ACTR3C: variants seen among roughly 807,000 people sequenced by gnomAD.
The protein encoded by ACTR3C is actin-related protein 3C.
In ACTR3C, 18 loss-of-function variants were observed where a neutral mutation model predicts 26.3. The ratio of observed to expected loss-of-function variants is 0.68; its 90% CI spans 0.47 to 1.01. The LOEUF (loss-of-function observed/expected upper bound fraction) is 1.01, where lower values mean the gene tolerates loss of function less well. Ranked by LOEUF, ACTR3C falls within the 50% of genes least tolerant of loss-of-function variation. ACTR3C has a pLI of 0.00. For missense variants in ACTR3C, 184 were observed against 250.7 expected (o/e 0.73, Z 1.80); for synonymous variants, 55 against 94.5 (o/e 0.58, Z 2.42).
the ACTR3C span, among the ~76,000 whole-genome samples, chr7:149,990,899 G>C: frequency 6.6e-6 from 1 of 152,220 alleles, no homozygotes; most frequent in African/African-American, 2.4e-5. Context: ...GGGTACACAT[G>C]AGGGACAAGC....
At chr7:150,259,715 G>A (rs1420274733) in intron 6 of ACTR3C, among the ~76,000 whole-genome samples, 1 of 152,090 alleles carries the variant, frequency 6.6e-6, no homozygotes, top group Non-Finnish European at 1.5e-5. Flanking sequence ...TCATTATAAT[G>A]ATCTAAGCAG....
At chr7:149,894,682 A>G in the ACTR3C span, among the ~76,000 whole-genome samples, 1 of 152,246 alleles carries the variant, frequency 6.6e-6, no homozygotes, top group Non-Finnish European at 1.5e-5. Flanking sequence ...CAAACCCACA[A>G]TATCAATCAC....
chr7:150,103,563 A>G, the ACTR3C span, among the ~76,000 whole-genome samples: 1 of 151,892 alleles, frequency 6.6e-6, no homozygotes, highest in Admixed American at 6.6e-5. Context: ...TTTCATTGCC[A>G]TGGTGGTTGC....
chr7:150,249,656 T>C (rs1203651660), intron 6 of ACTR3C, among the ~76,000 whole-genome samples: 1 of 152,154 alleles, frequency 6.6e-6, no homozygotes, highest in African/African-American at 2.4e-5. Flanking sequence ...GGTTTCGCCA[T>C]GTTGGCCAGG....
chr7:149,934,628 C>G, the ACTR3C span, among the ~76,000 whole-genome samples: 3 of 151,628 alleles, frequency 2.0e-5, no homozygotes, highest in East Asian at 5.9e-4. Context: ...GGTCCACAAG[C>G]AGACTGGGGA....
the ACTR3C span, among the ~76,000 whole-genome samples, chr7:149,970,191 TGCTATC>T: frequency 6.6e-6 from 1 of 151,858 alleles, no homozygotes; most frequent in South Asian, 2.1e-4. Flanking sequence ...AGGTTTGAAA[TGCTATC>T]GTTCTGCACC....
intron 6 of ACTR3C, among the ~76,000 whole-genome samples, chr7:150,281,085 A>G (rs1358863285): frequency 7.9e-5 from 12 of 152,008 alleles, no homozygotes; most frequent in Non-Finnish European, 1.6e-4. Flanking sequence ...AACCAGTGAA[A>G]GCACACAGGT....
At chr7:149,965,167 C>T in the ACTR3C span, among the ~76,000 whole-genome samples, 1 of 148,560 alleles carries the variant, frequency 6.7e-6, no homozygotes, top group African/African-American at 2.5e-5. Flanking sequence ...TCCTTGAGCA[C>T]CTCTATTTGA....
At chr7:150,110,297 G>A in the ACTR3C span, among the ~76,000 whole-genome samples, 5 of 151,824 alleles carry the variant, frequency 3.3e-5, no homozygotes, top group African/African-American at 1.2e-4. Flanking sequence ...CATTTAAATT[G>A]TTCTCTCTGC....
chr7:150,201,846 A>G, the ACTR3C span, among the ~76,000 whole-genome samples: 3 of 151,958 alleles, frequency 2.0e-5, no homozygotes, highest in East Asian at 5.8e-4. Flanking sequence ...AATTGCATTT[A>G]TTGTAGCATT....
At chr7:149,924,001 A>T in the ACTR3C span, among the ~76,000 whole-genome samples, 563 of 135,914 alleles carry the variant, frequency 4.1e-3, 4 homozygotes, top group African/African-American at 0.015. Context: ...AGTCTCAATT[A>T]AAAAAAAAAA....
chr7:150,305,385 ACT>A (rs1251473902), intron 1 of ACTR3C, among the ~76,000 whole-genome samples: 1 of 151,688 alleles, frequency 6.6e-6, no homozygotes, highest in Non-Finnish European at 1.5e-5. Context: ...CATCTTCAAG[ACT>A]CTGTGTGCCA....
chr7:150,069,204 A>G, the ACTR3C span, among the ~76,000 whole-genome samples: 2 of 152,216 alleles, frequency 1.3e-5, no homozygotes. Flanking sequence ...ACTACTGTGT[A>G]TTTTGCCTAC....
chr7:150,298,974 C>CTTTTTT (rs550994860), intron 1 of ACTR3C, among the ~76,000 whole-genome samples: 5 of 82,510 alleles, frequency 6.1e-5, no homozygotes, highest in Non-Finnish European at 6.5e-5. Flanking sequence ...GTAATGAAAA[C>CTTTTTT]TTTTTTTTTT....
chr7:150,194,564 T>A, the ACTR3C span, among the ~76,000 whole-genome samples: 2 of 152,056 alleles, frequency 1.3e-5, no homozygotes, highest in African/African-American at 2.4e-5. Context: ...TCACACTTAA[T>A]ATTACAGTTG....
intron 3 of ACTR3C, among the ~76,000 whole-genome samples, chr7:150,292,569 C>T (rs1836357278): frequency 6.7e-6 from 1 of 148,512 alleles, no homozygotes; most frequent in Admixed American, 6.7e-5. Flanking sequence ...GGCGCGATCT[C>T]GGCTCACTGC....
chr7:149,896,417 T>A, the ACTR3C span, among the ~76,000 whole-genome samples: 1 of 152,140 alleles, frequency 6.6e-6, no homozygotes, highest in Admixed American at 6.5e-5. Flanking sequence ...GTGGTGAGTA[T>A]TAAATGGAAC....
the ACTR3C span, among the ~76,000 whole-genome samples, chr7:150,122,460 T>G: frequency 6.6e-6 from 1 of 152,156 alleles, no homozygotes; most frequent in African/African-American, 2.4e-5. Context: ...ATGAAGACAT[T>G]TATGCAGCCA....
the ACTR3C span, among the ~76,000 whole-genome samples, chr7:150,011,226 A>G: frequency 6.6e-6 from 1 of 152,100 alleles, no homozygotes; most frequent in Non-Finnish European, 1.5e-5. Flanking sequence ...CTCTATCTCT[A>G]AATAACCAGG....
Sources: gnomAD v4.1 joint callset for allele counts (sites outside exome capture counted in the v4.1 genomes callset) on GRCh38, gnomAD v4.1.1 for gene constraint, MANE v1.5 for transcripts, NCBI Gene and HGNC (gene_info 2026-07-23, HGNC 2026-07-21) for gene names.